MTX2: variants seen among roughly 807,000 people sequenced by gnomAD.
MTX2 encodes the protein metaxin-2.
In MTX2, 35 loss-of-function variants were observed where a neutral mutation model predicts 42.3. That is an observed-to-expected ratio of 0.83 (90% CI 0.63 to 1.10). The LOEUF (loss-of-function observed/expected upper bound fraction) is 1.10. Among genes scored for constraint, MTX2 ranks in the 50% least tolerant of loss-of-function variants. MTX2 has a pLI of 0.00. For synonymous variants in MTX2, 119 were observed against 100.9 expected, an observed-to-expected ratio of 1.18 and a Z score of -1.08; for missense variants, 307 against 304.1, an observed-to-expected ratio of 1.01 and a Z score of -0.07.
At chr2:176,295,863 C>T (rs1460890850) in intron 1 of MTX2, among the ~76,000 whole-genome samples, 1 of 152,056 alleles carries the variant, frequency 6.6e-6, no homozygotes, top group Non-Finnish European at 1.5e-5. Flanking sequence ...TGCTATGTCA[C>T]AGAGACTAAA....
intron 3 of MTX2, among the ~76,000 whole-genome samples, chr2:176,305,364 A>G (rs1435868902): frequency 6.6e-6 from 1 of 152,120 alleles, no homozygotes; most frequent in Non-Finnish European, 1.5e-5. Flanking sequence ...AAGAATATAT[A>G]TATTTTTTCG....
intron 3 of MTX2, among the ~76,000 whole-genome samples, chr2:176,306,072 A>T (rs915285343): frequency 6.9e-6 from 1 of 145,884 alleles, no homozygotes; most frequent in African/African-American, 2.5e-5. Flanking sequence ...CAGCACCCCC[A>T]CCCCCTGACA....
At chr2:176,279,112 C>G (rs1353961576) in intron 1 of MTX2, among the ~76,000 whole-genome samples, 1 of 152,008 alleles carries the variant, frequency 6.6e-6, no homozygotes, top group Non-Finnish European at 1.5e-5. Flanking sequence ...ATACACTTAG[C>G]TATGTTTTTT....
chr2:176,337,879 A>G lies in MTX2; in HGVS notation c.*215A>G. 2.8e-6 allele frequency: 1 copy of G among 356,564 alleles called. No homozygotes were observed. Among genetic ancestry groups the G allele is most frequent in the Non-Finnish European group, 4.8e-6 (1 of 206,600 alleles). 22.1% of individuals were successfully genotyped at this position (356,564 alleles called of 1,614,324 possible). ...CTGATATGTTGTATTCTGTATCTTG[A>G]AATTTTTGTTTCCTTGAAACATGCA... On this transcript the variant is annotated 3_prime_UTR_variant, in exon 10 of 10. Transcript: ENST00000249442.
chr2:176,308,912 G>C (rs1178263630), intron 3 of MTX2, among the ~76,000 whole-genome samples: 1 of 152,104 alleles, frequency 6.6e-6, no homozygotes, highest in Non-Finnish European at 1.5e-5. Context: ...TCTGATCTTA[G>C]TTATTTCTTG....
At chr2:176,309,206 G>A (rs1684230826) in intron 3 of MTX2, among the ~76,000 whole-genome samples, 1 of 152,224 alleles carries the variant, frequency 6.6e-6, no homozygotes. Flanking sequence ...GCAGTTCTGA[G>A]TGAGTTTCTT....
chr2:176,269,570 G>C lies in MTX2; in HGVS notation c.-60G>C. 6.6e-7 allele frequency: 1 copy of C among 1,525,934 alleles called. No homozygotes were observed. Among genetic ancestry groups the C allele is most frequent in the East Asian group, 2.5e-5 (1 of 40,526 alleles). The allele number at this position is 1,525,934 out of a possible 1,614,324, so 94.5% of individuals were successfully genotyped here. On this transcript the variant is annotated 5_prime_UTR_variant, in exon 1 of 10. Coordinates refer to ENST00000249442, the MANE Select transcript of MTX2 (RefSeq NM_006554.5). ...AACTGCCGAGAGCCTCCGGGTTTGC[G>C]GTGGAGGACGCTGAGGCCCGTGGGG...
intron 1 of MTX2, among the ~76,000 whole-genome samples, chr2:176,272,708 A>T (rs1447096575): frequency 6.6e-6 from 1 of 152,190 alleles, no homozygotes; most frequent in Non-Finnish European, 1.5e-5. Context: ...CTATATAAAC[A>T]TACATATGTT....
At position 176,269,466 on chromosome 2, in the gene MTX2, C is replaced by T; in HGVS notation, c.-164C>T. The T allele has an allele frequency of 2.7e-6, 2 of 730,184 alleles. No individual in the cohort carries two copies. Among genetic ancestry groups the T allele is most frequent in the East Asian group, 3.3e-5 (1 of 30,578 alleles). 45.2% of individuals were successfully genotyped at this position (730,184 alleles called of 1,614,324 possible). A position where few individuals can be genotyped will look rare whatever the true frequency, so the allele number is the denominator to read the frequency against. On this transcript the variant is annotated 5_prime_UTR_variant, in exon 1 of 10. Transcript: ENST00000249442. ...AGTCCCTAGCCAGGCCTGGCGGTAACCTTGGGGGCCTCACTGCAGCCGCCG... is the reference window on the plus strand; with the variant it reads ...AGTCCCTAGCCAGGCCTGGCGGTAATCTTGGGGGCCTCACTGCAGCCGCCG...
chr2:176,295,961 A>G (rs1683865320), intron 1 of MTX2, among the ~76,000 whole-genome samples: 1 of 152,176 alleles, frequency 6.6e-6, no homozygotes, highest in African/African-American at 2.4e-5. Flanking sequence ...TGTTATTAAA[A>G]TGGGTGATTC....
intron 1 of MTX2, among the ~76,000 whole-genome samples, chr2:176,271,875 C>G (rs1692820054): frequency 6.6e-6 from 1 of 152,146 alleles, no homozygotes; most frequent in Admixed American, 6.5e-5. Flanking sequence ...AATTATTGTA[C>G]ACCAATCCAC....
chr2:176,290,917 A>G (rs1343559453), intron 1 of MTX2, among the ~76,000 whole-genome samples: 1 of 152,176 alleles, frequency 6.6e-6, no homozygotes, highest in Admixed American at 6.5e-5. Context: ...TTAAATATAT[A>G]GTTTACATCA....
chr2:176,311,554 C>T (rs969101167), intron 3 of MTX2, among the ~76,000 whole-genome samples: 2 of 152,192 alleles, frequency 1.3e-5, no homozygotes, highest in African/African-American at 4.8e-5. Flanking sequence ...GCAGTGGGCT[C>T]CGCCCAGTTT....
At chr2:176,328,752 A>C in intron 6 of MTX2, 122 bp from the exon 7 acceptor site, 3 of 848,618 alleles carry the variant, frequency 3.5e-6, no homozygotes, top group Non-Finnish European at 5.6e-6. Context: ...TAAGAAAAAC[A>C]AACCGCTACA....
In MTX2 at chr2:176,275,725, G is replaced by A. The variant is rs116406864; in HGVS notation, c.40+6056G>A. ...TGAATATATCATAGGGGAGGGTTGT[G>A]TAATCCCATTTGGGCTACATGACGG... is the stretch of plus-strand genomic sequence containing the variant. On this transcript the variant is annotated intron_variant, in intron 1 of 9. Coordinates refer to ENST00000249442, the MANE Select transcript of MTX2 (RefSeq NM_006554.5). Among the ~76,000 whole-genome samples the A allele has an allele frequency of 2.2e-3, 331 of 152,204 alleles. 3 individuals carry two copies. Among genetic ancestry groups the A allele is most frequent in the African/African-American group, 7.8e-3 (323 of 41,528 alleles).
chr2:176,323,279 A>G (rs1684627661), intron 3 of MTX2, 113 bp from the exon 4 acceptor site: 6 of 853,298 alleles, frequency 7.0e-6, no homozygotes, highest in African/African-American at 3.4e-5. Context: ...ATTGTTTTCT[A>G]TTAGAGTTTT....
chr2:176,283,905 T>C (rs1325688832), intron 1 of MTX2, among the ~76,000 whole-genome samples: 2 of 152,198 alleles, frequency 1.3e-5, no homozygotes, highest in Non-Finnish European at 2.9e-5. Flanking sequence ...TCTATAGTTC[T>C]GCTGTTGATC....
intron 1 of MTX2, among the ~76,000 whole-genome samples, chr2:176,282,133 T>TGTTTTTTTTTTG (rs1693093858): frequency 7.4e-6 from 1 of 134,914 alleles, no homozygotes; most frequent in Non-Finnish European, 1.6e-5. Flanking sequence ...GTAGTTTTTT[T>TGTTTTTTTTTTG]TTTTTTTTTT....
intron 1 of MTX2, among the ~76,000 whole-genome samples, chr2:176,290,515 T>C (rs879463425): frequency 7.9e-5 from 12 of 152,198 alleles, no homozygotes; most frequent in Non-Finnish European, 1.5e-4. Context: ...ACTGACTTTG[T>C]CTGACCTTGG....
Sources: allele counts gnomAD v4.1 joint callset (sites outside exome capture counted in the v4.1 genomes callset), GRCh38; gene constraint gnomAD v4.1.1; transcripts MANE v1.5; gene names NCBI Gene and HGNC (gene_info 2026-07-23, HGNC 2026-07-21).